The following PIGK variants were observed in gnomAD, a reference collection of about 807,000 sequenced individuals.
The protein encoded by PIGK is GPI-anchor transamidase.
PIGK carries 42 observed loss-of-function variants against 50.6 expected under a neutral mutation model. That is an observed-to-expected ratio of 0.83 (90% CI 0.65 to 1.07). PIGK has a LOEUF of 1.07. Among genes scored for constraint, PIGK ranks in the 50% least tolerant of loss-of-function variants. The probability of loss-of-function intolerance (pLI) is 0.00; values close to 1 mark genes in which losing one functional copy is unlikely to be tolerated. For synonymous variants in PIGK, 151 were observed against 156.0 expected (o/e 0.97, Z 0.24); for missense variants, 448 against 488.7 (o/e 0.92, Z 0.78).
At chr1:77,191,300 T>C (rs760140767) in intron 3 of PIGK, among the ~76,000 whole-genome samples, 8 of 152,250 alleles carry the variant, frequency 5.3e-5, no homozygotes, top group Non-Finnish European at 1.2e-4. Context: ...CAGTCTATCA[T>C]AACTTAAACT....
intron 10 of PIGK, among the ~76,000 whole-genome samples, chr1:77,103,497 A>G (rs548479752): frequency 5.4e-4 from 83 of 152,362 alleles, no homozygotes; most frequent in African/African-American, 1.8e-3. Context: ...GAACAATTAG[A>G]AAGTCAGACA....
intron 10 of PIGK, among the ~76,000 whole-genome samples, chr1:77,103,511 G>A (rs1653596251): frequency 6.6e-6 from 1 of 152,172 alleles, no homozygotes; most frequent in Non-Finnish European, 1.5e-5. Flanking sequence ...TCAGACAAAA[G>A]GTAATAAACA....
At chr1:77,093,144 A>G (rs1045124182) in intron 10 of PIGK, among the ~76,000 whole-genome samples, 6 of 152,064 alleles carry the variant, frequency 3.9e-5, no homozygotes, top group Non-Finnish European at 8.8e-5. Flanking sequence ...TTGAGTTCCC[A>G]TAGTACCTGA....
At chr1:77,128,805 T>C (rs538226573) in intron 9 of PIGK, among the ~76,000 whole-genome samples, 6 of 152,256 alleles carry the variant, frequency 3.9e-5, no homozygotes, top group Non-Finnish European at 8.8e-5. Context: ...CATTAATAAA[T>C]TATACAGTGT....
chr1:77,215,663 C>T (rs76719872), intron 1 of PIGK, among the ~76,000 whole-genome samples: 2,214 of 152,226 alleles, frequency 0.015, 65 homozygotes, highest in African/African-American at 0.05. Context: ...GATATAGCAT[C>T]AACCTGAGTG....
At chr1:77,147,715 G>GT (rs1343318593) in intron 9 of PIGK, among the ~76,000 whole-genome samples, 1 of 152,222 alleles carries the variant, frequency 6.6e-6, no homozygotes, top group African/African-American at 2.4e-5. Context: ...GCCAGCCTAT[G>GT]TATACTACGA....
At position 77,091,328 on chromosome 1, in the gene PIGK, G is replaced by T. The variant is rs941753241; in HGVS notation, c.*1046C>A. On this transcript the variant is annotated 3_prime_UTR_variant, in exon 11 of 11. Coordinates refer to ENST00000370812, the MANE Select transcript of PIGK (RefSeq NM_005482.3). ...TTGCATCTTACCAGAGACTAGAAAA[G>T]GGGCTTACTGCCTTATAGGATACAT... The T allele has an allele frequency of 1.3e-5, 2 of 152,178 alleles. No homozygotes were observed. Among genetic ancestry groups the T allele is most frequent in the African/African-American group, 2.4e-5 (1 of 41,454 alleles). 9.4% of individuals were successfully genotyped at this position (152,178 alleles called of 1,614,324 possible). A position where few individuals can be genotyped will look rare whatever the true frequency, so the allele number is the denominator to read the frequency against.
At chr1:77,176,551 C>T (rs966998462) in intron 3 of PIGK, among the ~76,000 whole-genome samples, 3 of 152,120 alleles carry the variant, frequency 2.0e-5, no homozygotes, top group Admixed American at 6.5e-5. Flanking sequence ...TTTAAAGTCA[C>T]TTCCAGTTAA....
At chr1:77,143,357 G>C (rs2100544118) in intron 9 of PIGK, among the ~76,000 whole-genome samples, 1 of 151,912 alleles carries the variant, frequency 6.6e-6, no homozygotes, top group South Asian at 2.1e-4. Flanking sequence ...CATATTGTTA[G>C]GTTTTTTTAA....
At position 77,092,393 on chromosome 1, in the gene PIGK, T is replaced by C; in HGVS notation, c.1169A>G (p.His390Arg). 2 of 1,568,040 alleles carry C rather than the reference T, an allele frequency of 1.3e-6. No individual in the cohort carries two copies. The highest frequency in any genetic ancestry group is 1.7e-4 in the Middle Eastern group (1 of 5,968). Residue 390 changes from histidine to arginine, a missense_variant, in exon 11 of 11, where the codon CAT becomes CGT. Coordinates refer to ENST00000370812, the MANE Select transcript of PIGK (RefSeq NM_005482.3). ...TCAAGTCTAAAAAATGAACTTCATATGCTTAATTCCATAAGTTTTGAAGAA... is the reference window on the plus strand; with the variant it reads ...TCAAGTCTAAAAAATGAACTTCATACGCTTAATTCCATAAGTTTTGAAGAA... The part of the protein sequence containing the change: ...MVFFKTYGIK[H>R]MKFIF
chr1:77,185,453 T>C (rs1655717689), intron 3 of PIGK, among the ~76,000 whole-genome samples: 1 of 152,128 alleles, frequency 6.6e-6, no homozygotes, highest in Non-Finnish European at 1.5e-5. Flanking sequence ...TCTACCTCAG[T>C]AAAATTTCTA....
intron 10 of PIGK, among the ~76,000 whole-genome samples, chr1:77,116,964 A>C (rs1212908673): frequency 6.6e-6 from 1 of 152,152 alleles, no homozygotes; most frequent in Admixed American, 6.5e-5. Context: ...CTGTTCACTT[A>C]ATTTTCTGTT....
chr1:77,169,372 T>G lies in PIGK; in HGVS notation c.263A>C (p.Asp88Ala). Residue 88 changes from aspartate to alanine, a missense_variant, in exon 4 of 11, where the codon GAT becomes GCT. By Grantham distance (126) the Asp-to-Ala change is moderately radical (BLOSUM62 -2). Transcript: ENST00000370812. ...ATTTCTAGGATTACAGGCCATATCA[T>G]CTGCAAGCATTAGGACAATGTGACT... ...PDSHIVLMLADDMACNPRNPK... is the reference protein window; with the variant it reads ...PDSHIVLMLAADMACNPRNPK... 1 of 1,604,260 alleles carries G rather than the reference T, an allele frequency of 6.2e-7. No individual in the cohort carries two copies. The highest frequency in any genetic ancestry group is 8.5e-7 in the Non-Finnish European group (1 of 1,175,866).
At chr1:77,195,858 G>A (rs1263305535) in intron 3 of PIGK, among the ~76,000 whole-genome samples, 3 of 151,516 alleles carry the variant, frequency 2.0e-5, no homozygotes, top group Non-Finnish European at 4.4e-5. Flanking sequence ...GCATTCAGGG[G>A]GTACATATGC....
At chr1:77,176,032 T>C (rs1025580585) in intron 3 of PIGK, among the ~76,000 whole-genome samples, 2 of 152,108 alleles carry the variant, frequency 1.3e-5, no homozygotes, top group African/African-American at 4.8e-5. Context: ...GCCTTTTGAA[T>C]AAACTAGGAA....
chr1:77,177,108 T>A (rs559972631), intron 3 of PIGK, among the ~76,000 whole-genome samples: 4 of 152,348 alleles, frequency 2.6e-5, no homozygotes, highest in Admixed American at 6.5e-5. Context: ...GTTTTCTGGT[T>A]GTATAAAAGC....
chr1:77,210,572 T>C, intron 1 of PIGK, 83 bp from the exon 2 acceptor site: 1 of 767,944 alleles, frequency 1.3e-6, no homozygotes, highest in Non-Finnish European at 2.2e-6. Context: ...ACTCGTGTAG[T>C]TTTTACAGTT....
chr1:77,158,974 T>C (rs1246913123), intron 8 of PIGK, among the ~76,000 whole-genome samples: 2 of 152,132 alleles, frequency 1.3e-5, no homozygotes, highest in African/African-American at 4.8e-5. Context: ...CAAATGTTAA[T>C]TGCCAAGACA....
intron 10 of PIGK, among the ~76,000 whole-genome samples, chr1:77,102,704 G>A (rs1056627931): frequency 5.3e-5 from 8 of 152,098 alleles, no homozygotes; most frequent in African/African-American, 1.2e-4. Flanking sequence ...ACCAAATTTC[G>A]GTAATTTGTT....
Sources: allele counts gnomAD v4.1 joint callset (sites outside exome capture counted in the v4.1 genomes callset), GRCh38; gene constraint gnomAD v4.1.1; transcripts MANE v1.5; gene names NCBI Gene and HGNC (gene_info 2026-07-23, HGNC 2026-07-21).